Variants in SYNCRIP observed in about 807,000 individuals in gnomAD.
The protein encoded by SYNCRIP is synaptotagmin binding cytoplasmic RNA interacting protein, also known as heterogeneous nuclear ribonucleoprotein Q.
Under a neutral mutation model 68.9 loss-of-function variants are expected in SYNCRIP, and 9 were observed. The observed-to-expected ratio is 0.13, with a 90% CI of 0.08 to 0.23. The LOEUF (loss-of-function observed/expected upper bound fraction) is 0.23. SYNCRIP is among the 10% of genes least tolerant of loss of function. The probability of loss-of-function intolerance (pLI) is 1.00; values close to 1 mark genes in which losing one functional copy is unlikely to be tolerated. For synonymous variants in SYNCRIP, 258 were observed against 254.0 expected (o/e 1.02, Z -0.15); for missense variants, 414 against 770.6 (o/e 0.54, Z 5.48).
At chr6:85,636,862 C>A in intron 6 of SYNCRIP, 105 bp downstream of exon 6, 1 of 1,129,480 alleles carries the variant, frequency 8.9e-7, no homozygotes, top group Non-Finnish European at 1.2e-6. Flanking sequence ...CTGCCTAAAT[C>A]AGTACTTCAA....
Position 85,621,640 on chromosome 6 carries a change from A to G in SYNCRIP, c.1008+842T>C, listed in dbSNP as rs144681289. On this transcript the variant is annotated intron_variant, in intron 8 of 10. Transcript: ENST00000369622. ...AAAAAAAAAAAAGAGAACAAAGGAT[A>G]GAACAAATAACTGCAAATTACTGCA... Among the ~76,000 whole-genome samples, 198 of 151,816 alleles carry G rather than the reference A, an allele frequency of 1.3e-3. 1 individual carries two copies. Among genetic ancestry groups the G allele is most frequent in the African/African-American group, 4.7e-3 (193 of 41,402 alleles).
downstream of SYNCRIP, among the ~76,000 whole-genome samples, chr6:85,613,437 G>A (rs988732504): frequency 1.3e-5 from 2 of 152,174 alleles, no homozygotes; most frequent in African/African-American, 4.8e-5. Context: ...ATTCAAGGGT[G>A]ATGGAGGTTC....
chr6:85,616,529 G>T (rs1018623083), intron 10 of SYNCRIP, among the ~76,000 whole-genome samples: 1 of 151,980 alleles, frequency 6.6e-6, no homozygotes, highest in African/African-American at 2.4e-5. Context: ...TCACCATGTT[G>T]GCCAGGCTGG....
intron 8 of SYNCRIP, among the ~76,000 whole-genome samples, chr6:85,622,110 C>T (rs1806481335): frequency 1.3e-5 from 2 of 152,120 alleles, no homozygotes; most frequent in African/African-American, 2.4e-5. Flanking sequence ...AATAGCCTCA[C>T]GCCTCTAAAT....
intron 10 of SYNCRIP, among the ~76,000 whole-genome samples, chr6:85,616,184 A>T (rs1255694131): frequency 6.6e-6 from 1 of 152,154 alleles, no homozygotes; most frequent in Non-Finnish European, 1.5e-5. Flanking sequence ...ATTCCAACTC[A>T]TGTTCCCTAC....
chr6:85,611,547 C>G (rs1805245034), downstream of SYNCRIP: 1 of 152,456 alleles, frequency 6.6e-6, no homozygotes, highest in Admixed American at 6.6e-5. Context: ...TTTCTTTACA[C>G]CAAGTCCTAA....
chr6:85,639,193 G>GT (rs1306877190), intron 4 of SYNCRIP, among the ~76,000 whole-genome samples: 1 of 152,112 alleles, frequency 6.6e-6, no homozygotes. Flanking sequence ...GGGTGACAGA[G>GT]TAAGACTCTG....
At chr6:85,622,821 TAAAAGA>T in intron 7 of SYNCRIP, 134 bp from the exon 8 acceptor site, 3 of 714,672 alleles carry the variant, frequency 4.2e-6, no homozygotes, top group Non-Finnish European at 4.6e-6. Flanking sequence ...GACATCTTTA[TAAAAGA>T]CTATCAAAAA....
chr6:85,617,889 A>G (rs561903487), intron 10 of SYNCRIP, among the ~76,000 whole-genome samples: 1 of 152,360 alleles, frequency 6.6e-6, no homozygotes, highest in South Asian at 2.1e-4. Flanking sequence ...TTTAGGAGCT[A>G]ACTTCAATTC....
chr6:85,634,480 G>C (rs956404502), intron 6 of SYNCRIP, among the ~76,000 whole-genome samples: 1 of 152,144 alleles, frequency 6.6e-6, no homozygotes, highest in Non-Finnish European at 1.5e-5. Flanking sequence ...ACGGGGGACT[G>C]ATTCCAGGAA....
rs542719424 is a variant in SYNCRIP at position 85,639,659 on chromosome 6, A to G, written c.375+562T>C. 3.9e-5 allele frequency among the ~76,000 whole-genome samples: 6 copies of G among 152,296 alleles called. No homozygotes were observed. The South Asian group carries it at 1.2e-3, about 32-fold the overall frequency. On this transcript the variant is annotated intron_variant, in intron 4 of 10. Coordinates refer to ENST00000369622, the MANE Select transcript of SYNCRIP (RefSeq NM_006372.5). ...TAAATTAGAAAACTCACCAATATAA[A>G]TATCAAAACCAAGCTGAATTTGAAG...
At chr6:85,633,903 T>C (rs1052144244) in intron 6 of SYNCRIP, among the ~76,000 whole-genome samples, 5 of 152,112 alleles carry the variant, frequency 3.3e-5, no homozygotes, top group Non-Finnish European at 2.9e-5. Context: ...ACTACAGGTG[T>C]GAGCAACCAC....
chr6:85,623,571 A>AAAAAAAAAAAAAC (rs1806681790), intron 7 of SYNCRIP, among the ~76,000 whole-genome samples: 1 of 147,972 alleles, frequency 6.8e-6, no homozygotes, highest in African/African-American at 2.6e-5. Context: ...CCAAAAAAAA[A>AAAAAAAAAAAAAC]AAAAAAAAAA....
chr6:85,626,270 C>G (rs567476370), intron 6 of SYNCRIP, among the ~76,000 whole-genome samples: 58 of 152,154 alleles, frequency 3.8e-4, no homozygotes, highest in Non-Finnish European at 6.6e-4. Context: ...TATGTACATT[C>G]CCTGGATTCT....
At position 85,622,724 on chromosome 6, in the gene SYNCRIP, A is replaced by C. The variant is rs754518782; in HGVS notation, c.803-37T>G. The C allele has an allele frequency of 6.9e-5, 104 of 1,509,702 alleles. No individual in the cohort carries two copies. In the South Asian group the frequency reaches 1.0e-3, roughly 15 times the overall value. The allele number at this position is 1,509,702 out of a possible 1,614,324, so 93.5% of individuals were successfully genotyped here. ...CAACCATTCCAGGAAAATTAGATGA[A>C]ATAACTAGCAAATACAAGTGGATCA... On this transcript the variant is annotated intron_variant, in intron 7 of 10. Coordinates refer to ENST00000369622, the MANE Select transcript of SYNCRIP (RefSeq NM_006372.5).
At chr6:85,622,951 A>G (rs1325377023) in intron 7 of SYNCRIP, among the ~76,000 whole-genome samples, 2 of 152,248 alleles carry the variant, frequency 1.3e-5, no homozygotes, top group South Asian at 2.1e-4. Context: ...CACTAATTAG[A>G]TCAGAGAGGC....
rs1397085632 is a variant in SYNCRIP at position 85,614,528 on chromosome 6, A to G, written c.*228T>C. 3 of 1,243,914 alleles carry G rather than the reference A, an allele frequency of 2.4e-6. No homozygotes were observed. Among genetic ancestry groups the G allele is most frequent in the Non-Finnish European group, 1.0e-6 (1 of 994,388 alleles). The allele number at this position is 1,243,914 out of a possible 1,614,324, so 77.1% of individuals were successfully genotyped here. ...AAGCACAAATGCAAACTCATTAACT[A>G]TTTCTTTCAGTATCTAAGAATATCT... On this transcript the variant is annotated 3_prime_UTR_variant, in exon 11 of 11. Coordinates refer to ENST00000369622, the MANE Select transcript of SYNCRIP (RefSeq NM_006372.5).
At chr6:85,622,402 A>G in intron 8 of SYNCRIP, 80 bp downstream of exon 8, 4 of 1,319,058 alleles carry the variant, frequency 3.0e-6, no homozygotes. Flanking sequence ...TATACTGTTC[A>G]TTTTATGTTC....
At chr6:85,635,478 AGGAAG>A (rs1808332067) in intron 6 of SYNCRIP, among the ~76,000 whole-genome samples, 1 of 152,134 alleles carries the variant, frequency 6.6e-6, no homozygotes, top group Non-Finnish European at 1.5e-5. Context: ...AACATAGAAA[AGGAAG>A]ACTTGGCCGG....
Sources: gnomAD v4.1 joint callset for allele counts (sites outside exome capture counted in the v4.1 genomes callset) on GRCh38, gnomAD v4.1.1 for gene constraint, MANE v1.5 for transcripts, NCBI Gene and HGNC (gene_info 2026-07-23, HGNC 2026-07-21) for gene names.